Variants in AKAP6 observed in about 807,000 individuals in gnomAD.
AKAP6 encodes A-kinase anchoring protein 6, also known as A-kinase anchor protein 6.
In AKAP6, 58 loss-of-function variants were observed where a neutral mutation model predicts 188.5. The observed-to-expected ratio is 0.31, with a 90% confidence interval of 0.25 to 0.38. The LOEUF (loss-of-function observed/expected upper bound fraction) is 0.38, where lower values mean the gene tolerates loss of function less well. Among genes scored for constraint, AKAP6 ranks in the 10% least tolerant of loss-of-function variants. AKAP6 has a pLI of 1.00. For missense variants in AKAP6, 2,710 were observed against 2,740.0 expected, an observed-to-expected ratio of 0.99 and a Z score of 0.24; for synonymous variants, 989 against 998.6, an observed-to-expected ratio of 0.99 and a Z score of 0.18.
At chr14:32,794,681 T>C (rs1179396110) in intron 12 of AKAP6, among the ~76,000 whole-genome samples, 1 of 152,248 alleles carries the variant, frequency 6.6e-6, no homozygotes, top group African/African-American at 2.4e-5. Flanking sequence ...TAAATGCCCA[T>C]ATCAAAAAGC....
chr14:32,545,664 T>C lies in AKAP6; in HGVS notation c.1011T>C (p.Ala337=). 1 of 1,614,148 alleles carries C rather than the reference T, an allele frequency of 6.2e-7. No individual in the cohort carries two copies. The highest frequency in any genetic ancestry group is 8.5e-7 in the Non-Finnish European group (1 of 1,180,028). ...CAGGAGAAGCTCTGACAAATGCTGC[T>C]CAACCCTCCTCTGAGACTGTGCAGC... ...SSSGEALTNA[A]QPSSETVQQE... The change falls in exon 4 of 14, where the codon GCT becomes GCC. Residue 337 remains alanine (A), a synonymous_variant. Transcript: ENST00000280979.
chr14:32,431,258 G>A (rs1890214406), intron 1 of AKAP6, among the ~76,000 whole-genome samples: 1 of 152,066 alleles, frequency 6.6e-6, no homozygotes, highest in Non-Finnish European at 1.5e-5. Context: ...GCTGGGTCTA[G>A]TATTATTATT....
intron 9 of AKAP6, among the ~76,000 whole-genome samples, chr14:32,724,442 C>A (rs1203031830): frequency 6.6e-6 from 1 of 152,190 alleles, no homozygotes; most frequent in Non-Finnish European, 1.5e-5. Context: ...GAATTCACAT[C>A]CTTGGTGAAG....
intron 1 of AKAP6, among the ~76,000 whole-genome samples, chr14:32,388,493 A>G (rs1566477815): frequency 6.6e-6 from 1 of 152,052 alleles, no homozygotes; most frequent in Non-Finnish European, 1.5e-5. Context: ...GTTTAGGGCT[A>G]TGAACTTTCC....
In AKAP6 at chr14:32,837,603, T is replaced by C. The variant is rs535810822; in HGVS notation, c.*7798T>C. ...GTGTGTGTTTGTTTGCTTGCAAATA[T>C]GTTTCATTTTAAAGTGTCTTTTTAT... is the stretch of plus-strand genomic sequence containing the variant. On this transcript the variant is annotated 3_prime_UTR_variant, in exon 14 of 14. Transcript: ENST00000280979. 315 of 152,356 alleles carry C rather than the reference T, an allele frequency of 2.1e-3. No individual in the cohort carries two copies. Among genetic ancestry groups the C allele is most frequent in the African/African-American group, 7.2e-3 (298 of 41,584 alleles). 9.4% of individuals were successfully genotyped at this position (152,356 alleles called of 1,614,324 possible). A position where few individuals can be genotyped will look rare whatever the true frequency, so the allele number is the denominator to read the frequency against.
intron 2 of AKAP6, among the ~76,000 whole-genome samples, chr14:32,526,609 G>A (rs1437545415): frequency 6.6e-6 from 1 of 152,114 alleles, no homozygotes; most frequent in African/African-American, 2.4e-5. Flanking sequence ...CAAACTCCTG[G>A]GCTCAAGGGG....
At chr14:32,453,423 G>A (rs1470102812) in intron 2 of AKAP6, among the ~76,000 whole-genome samples, 1 of 152,126 alleles carries the variant, frequency 6.6e-6, no homozygotes. Context: ...AATTAAGCCA[G>A]TGTTGTAATC....
intron 1 of AKAP6, among the ~76,000 whole-genome samples, chr14:32,410,467 C>T (rs543568147): frequency 6.6e-6 from 1 of 152,258 alleles, no homozygotes; most frequent in East Asian, 1.9e-4. Flanking sequence ...TGTTTGATGT[C>T]TCATGTCTCC....
At chr14:32,480,648 T>C (rs989334354) in intron 2 of AKAP6, among the ~76,000 whole-genome samples, 1 of 152,132 alleles carries the variant, frequency 6.6e-6, no homozygotes, top group Admixed American at 6.5e-5. Context: ...TCTGTTTTCA[T>C]TTATCATTTA....
At chr14:32,547,154 T>C (rs1463557008) in intron 4 of AKAP6, among the ~76,000 whole-genome samples, 155 bp downstream of exon 4, 9 of 152,248 alleles carry the variant, frequency 5.9e-5, no homozygotes, top group Admixed American at 5.9e-4. Context: ...CAATGATCAA[T>C]GCATGTGACA....
At chr14:32,429,040 A>C (rs1226000718) in intron 1 of AKAP6, among the ~76,000 whole-genome samples, 1 of 152,224 alleles carries the variant, frequency 6.6e-6, no homozygotes, top group African/African-American at 2.4e-5. Flanking sequence ...GGCCGCAGAC[A>C]AGCATTTGAT....
intron 11 of AKAP6, among the ~76,000 whole-genome samples, chr14:32,747,420 C>A (rs1239821232): frequency 6.6e-6 from 1 of 152,166 alleles, no homozygotes; most frequent in African/African-American, 2.4e-5. Flanking sequence ...ATACAAAACA[C>A]TTTCAAATTC....
intron 2 of AKAP6, among the ~76,000 whole-genome samples, chr14:32,482,991 A>G (rs1404995305): frequency 3.0e-4 from 25 of 83,908 alleles, no homozygotes; most frequent in South Asian, 1.7e-3. Context: ...GTGTGTGTGT[A>G]TATATATATA....
intron 9 of AKAP6, among the ~76,000 whole-genome samples, chr14:32,703,770 T>A (rs1003574233): frequency 6.6e-6 from 1 of 152,244 alleles, no homozygotes; most frequent in Non-Finnish European, 1.5e-5. Flanking sequence ...TTCCAATAAA[T>A]GCTCCTATAT....
chr14:32,774,653 G>A (rs1007546087), intron 12 of AKAP6, among the ~76,000 whole-genome samples: 2 of 152,046 alleles, frequency 1.3e-5, no homozygotes, highest in Non-Finnish European at 1.5e-5. Flanking sequence ...AGAATTTATC[G>A]ATAAAAAAGA....
At chr14:32,422,479 C>T (rs1039096922) in intron 1 of AKAP6, among the ~76,000 whole-genome samples, 4 of 152,158 alleles carry the variant, frequency 2.6e-5, no homozygotes, top group Non-Finnish European at 5.9e-5. Flanking sequence ...CTTCCAGGCC[C>T]TCAGGGATGT....
At chr14:32,697,676 C>A (rs985505121) in intron 9 of AKAP6, among the ~76,000 whole-genome samples, 1 of 152,090 alleles carries the variant, frequency 6.6e-6, no homozygotes. Context: ...TTCTTTTCTT[C>A]TTGATGCATT....
chr14:32,361,184 G>A (rs1385292900), intron 1 of AKAP6, among the ~76,000 whole-genome samples: 5 of 152,106 alleles, frequency 3.3e-5, no homozygotes, highest in Admixed American at 2.6e-4. Context: ...TGCGGAGGAT[G>A]AGGGGAATGT....
At chr14:32,817,451 CTGTGTG>C (rs5807685) in intron 12 of AKAP6, among the ~76,000 whole-genome samples, 80,668 of 144,158 alleles carry the variant, frequency 0.56, 24,274 homozygotes, top group African/African-American at 0.75. Context: ...ATCTGTATAG[CTGTGTG>C]TGTGTGTGTG....
Sources: gnomAD v4.1 joint callset for allele counts (sites outside exome capture counted in the v4.1 genomes callset) on GRCh38, gnomAD v4.1.1 for gene constraint, MANE v1.5 for transcripts, NCBI Gene and HGNC (gene_info 2026-07-23, HGNC 2026-07-21) for gene names.